HYDIN: variants seen among roughly 807,000 people sequenced by gnomAD.
HYDIN encodes axonemal central pair apparatus protein HYDIN.
In HYDIN, 132 loss-of-function variants were observed where a neutral mutation model predicts 403.9. The observed-to-expected ratio is 0.33, with a 90% CI of 0.28 to 0.38. HYDIN has a LOEUF of 0.38. HYDIN is among the 10% of genes least tolerant of loss of function. The pLI is 1.00. For missense variants in HYDIN, 2,827 were observed against 5,009.5 expected (o/e 0.56, Z 13.15); for synonymous variants, 1,202 against 1,891.7 (o/e 0.64, Z 9.46).
intron 1 of HYDIN, among the ~76,000 whole-genome samples, chr16:71,197,812 A>G (rs1040743700): frequency 1.3e-5 from 2 of 152,204 alleles, no homozygotes; most frequent in Non-Finnish European, 2.9e-5. Context: ...CAGTGGTGCC[A>G]TCTTGGCTCA....
At chr16:71,223,610 A>G (rs903986149) in intron 1 of HYDIN, among the ~76,000 whole-genome samples, 8 of 146,876 alleles carry the variant, frequency 5.4e-5, no homozygotes, top group Non-Finnish European at 8.9e-5. Flanking sequence ...ATCTACAAGG[A>G]GCTCAAACAA....
chr16:71,215,808 G>A (rs2088848567), intron 1 of HYDIN, among the ~76,000 whole-genome samples: 1 of 150,608 alleles, frequency 6.6e-6, no homozygotes, highest in African/African-American at 2.4e-5. Context: ...AATCCAATAG[G>A]GGAAAAAAGC....
chr16:70,878,971 C>T (rs1259816907), intron 62 of HYDIN, among the ~76,000 whole-genome samples: 2 of 147,622 alleles, frequency 1.4e-5, no homozygotes, highest in African/African-American at 2.7e-5. Context: ...ATCCTCATTG[C>T]AAATGCAATG....
rs556676955 is a variant in HYDIN at position 71,229,997 on chromosome 16, A to T, written c.-24+565T>A. ...CTGACGAGATTTGATGGTTTTATAAAGGGGAGGTTCCCCTGCACATGCTCT... is the reference window on the plus strand; with the variant it reads ...CTGACGAGATTTGATGGTTTTATAATGGGGAGGTTCCCCTGCACATGCTCT... On this transcript the variant is annotated intron_variant, in intron 1 of 85. Transcript: ENST00000393567. Among the ~76,000 whole-genome samples, 9 of 152,264 alleles carry T rather than the reference A, an allele frequency of 5.9e-5. No homozygotes were observed. The East Asian group carries it at 1.7e-3, about 29-fold the overall frequency.
intron 19 of HYDIN, chr16:71,031,422 A>G (rs963088270): frequency 7.6e-6 from 10 of 1,310,742 alleles, no homozygotes; most frequent in Non-Finnish European, 9.7e-6. Context: ...AGTTTGAGAA[A>G]AGAATGCATT....
chr16:71,092,957 C>A (rs1346549630), intron 11 of HYDIN, among the ~76,000 whole-genome samples: 1 of 145,570 alleles, frequency 6.9e-6, no homozygotes, highest in African/African-American at 2.6e-5. Context: ...AACTACTACA[C>A]GATCCACATT....
At chr16:71,184,427 G>A (rs1490069140) in intron 3 of HYDIN, among the ~76,000 whole-genome samples, 11 of 152,054 alleles carry the variant, frequency 7.2e-5, no homozygotes, top group Non-Finnish European at 1.5e-4. Flanking sequence ...GAGACAAAAG[G>A]ATATGTCTGT....
intron 12 of HYDIN, among the ~76,000 whole-genome samples, chr16:71,083,711 T>C (rs183437075): frequency 5.8e-4 from 89 of 152,326 alleles, no homozygotes; most frequent in Admixed American, 1.8e-3. Context: ...TCATACATTG[T>C]TAAGTGCCTG....
chr16:70,859,051 C>A (rs2039221970), intron 71 of HYDIN, among the ~76,000 whole-genome samples: 1 of 151,642 alleles, frequency 6.6e-6, no homozygotes, highest in Admixed American at 6.6e-5. Flanking sequence ...CCTGTAATCC[C>A]AGCACTTTGG....
At chr16:70,981,908 C>G (rs2144020347) in intron 28 of HYDIN, among the ~76,000 whole-genome samples, 1 of 152,050 alleles carries the variant, frequency 6.6e-6, no homozygotes, top group South Asian at 2.1e-4. Context: ...GTGGGTGGAT[C>G]ACGAGGTCAG....
At chr16:71,187,063 C>A (rs2087190333) in intron 1 of HYDIN, 145 bp from the exon 2 acceptor site, 1 of 568,300 alleles carries the variant, frequency 1.8e-6, no homozygotes. Context: ...AATATCTCAA[C>A]AAAGGATTCT....
Position 70,804,814 on chromosome 16 carries a change from C to T in HYDIN, c.*2766G>A, listed in dbSNP as rs1286944652. 6.6e-6 allele frequency among the ~76,000 whole-genome samples: 1 copy of T among 152,108 alleles called. No homozygotes were observed. Among genetic ancestry groups the T allele is most frequent in the Non-Finnish European group, 1.5e-5 (1 of 68,022 alleles). ...ACCTGGGTTCGTTTTTGTTTCTCCC[C>T]CTCCCTTCTCCCTGATCACTTTTAT... is the stretch of plus-strand genomic sequence containing the variant. On this transcript the variant is annotated 3_prime_UTR_variant, in exon 86 of 86. Coordinates refer to ENST00000393567, the MANE Select transcript of HYDIN (RefSeq NM_001270974.2).
At chr16:70,833,093 AAGAG>A in intron 79 of HYDIN, 26 bp from the exon 80 acceptor site, 2 of 1,588,660 alleles carry the variant, frequency 1.3e-6, no homozygotes, top group Non-Finnish European at 1.7e-6. Context: ...GAAGAAAAGA[AAGAG>A]AGTTTATGGA....
At chr16:71,133,943 C>A (rs1329160921) in intron 8 of HYDIN, among the ~76,000 whole-genome samples, 1 of 152,124 alleles carries the variant, frequency 6.6e-6, no homozygotes, top group East Asian at 1.9e-4. Context: ...AACTTCTTCC[C>A]ACGGGGAGGA....
intron 39 of HYDIN, among the ~76,000 whole-genome samples, chr16:70,958,065 A>C (rs1387106140): frequency 2.0e-5 from 3 of 150,454 alleles, no homozygotes; most frequent in Non-Finnish European, 4.4e-5. Context: ...AATACAATTC[A>C]AACAATTCAG....
At chr16:71,220,259 T>C (rs1241147406) in intron 1 of HYDIN, among the ~76,000 whole-genome samples, 1 of 152,204 alleles carries the variant, frequency 6.6e-6, no homozygotes, top group East Asian at 1.9e-4. Context: ...TGAAGAAACA[T>C]TCTCAAAACT....
At chr16:70,898,069 T>G (rs548907329) in intron 53 of HYDIN, among the ~76,000 whole-genome samples, 65 of 151,986 alleles carry the variant, frequency 4.3e-4, no homozygotes, top group Admixed American at 3.7e-3. Flanking sequence ...CTCAGGAGGC[T>G]GAGGTGGGAG....
chr16:70,981,070 G>C (rs894687638), intron 29 of HYDIN, among the ~76,000 whole-genome samples: 1 of 151,888 alleles, frequency 6.6e-6, no homozygotes, highest in Admixed American at 6.6e-5. Flanking sequence ...AATGTCACAG[G>C]GAAAGGACAG....
intron 39 of HYDIN, 103 bp from the exon 40 acceptor site, chr16:70,955,651 G>A: frequency 1.7e-6 from 1 of 576,594 alleles, no homozygotes; most frequent in South Asian, 2.1e-5. Context: ...TGATCTCTCT[G>A]AGTGCTCTGC....
Sources: gnomAD v4.1 joint callset for allele counts (sites outside exome capture counted in the v4.1 genomes callset) on GRCh38, gnomAD v4.1.1 for gene constraint, MANE v1.5 for transcripts, NCBI Gene and HGNC (gene_info 2026-07-23, HGNC 2026-07-21) for gene names.